The following PRIMPOL variants were observed in gnomAD, a reference collection of about 807,000 sequenced individuals.
PRIMPOL encodes the protein primase and DNA directed polymerase, also known as DNA-directed primase/polymerase protein.
PRIMPOL carries 54 observed loss-of-function variants against 63.6 expected under a neutral mutation model. That is an observed-to-expected ratio of 0.85 (90% CI 0.68 to 1.07). The LOEUF (loss-of-function observed/expected upper bound fraction) is 1.07, where lower values mean the gene tolerates loss of function less well. Among genes scored for constraint, PRIMPOL ranks in the 50% least tolerant of loss-of-function variants. The pLI is 0.00. For synonymous variants in PRIMPOL, 197 were observed against 220.2 expected (o/e 0.89, Z 0.93); for missense variants, 610 against 648.3 (o/e 0.94, Z 0.64).
At chr4:184,659,142 T>A (rs1747528197) in intron 3 of PRIMPOL, among the ~76,000 whole-genome samples, 198 bp from the exon 4 acceptor site, 1 of 152,250 alleles carries the variant, frequency 6.6e-6, no homozygotes, top group Non-Finnish European at 1.5e-5. Context: ...TTTGTATGAA[T>A]GATTAAAAAA....
At position 184,694,251 on chromosome 4, in the gene PRIMPOL, C is replaced by G. The variant is rs530241220; in HGVS notation, c.1426-271C>G. 9 of 1,147,500 alleles carry G rather than the reference C, an allele frequency of 7.8e-6. No individual in the cohort carries two copies. In the East Asian group the frequency reaches 2.5e-4, roughly 32 times the overall value. 71.1% of individuals were successfully genotyped at this position (1,147,500 alleles called of 1,614,324 possible). ...TTAAAAAATTAAATCCACCCTTGCT[C>G]TTCCGTCGGGGAGTATTGAAAAGTA... is the stretch of plus-strand genomic sequence containing the variant. On this transcript the variant is annotated intron_variant, in intron 13 of 13. Transcript: ENST00000314970.
At chr4:184,665,811 T>C (rs774741727) in intron 5 of PRIMPOL, 106 bp from the exon 6 acceptor site, 26 of 701,580 alleles carry the variant, frequency 3.7e-5, no homozygotes, top group Non-Finnish European at 4.6e-5. Flanking sequence ...GATCAGAAAT[T>C]AATGACTTTT....
intron 9 of PRIMPOL, among the ~76,000 whole-genome samples, chr4:184,682,587 A>G (rs544333620): frequency 8.5e-5 from 13 of 152,066 alleles, no homozygotes; most frequent in Non-Finnish European, 1.9e-4. Context: ...GGCTCAAACG[A>G]TCTGTCTGCC....
chr4:184,652,051 C>G lies in PRIMPOL; in HGVS notation c.-109C>G, dbSNP rs1253167521. On this transcript the variant is annotated 5_prime_UTR_variant, in exon 2 of 14. It adds an upstream start codon to the 5' untranslated region. Transcript: ENST00000314970. ...TATCCCAGAGGTGACAGAACTTGAT[C>G]TGGGCCTGGAAGGGGAAGAATTCGG... 6.6e-6 allele frequency: 1 copy of G among 152,280 alleles called. No individual in the cohort carries two copies. The highest frequency in any genetic ancestry group is 1.5e-5 in the Non-Finnish European group (1 of 68,114). The allele number at this position is 152,280 out of a possible 1,614,324, so 9.4% of individuals were successfully genotyped here.
intron 6 of PRIMPOL, among the ~76,000 whole-genome samples, chr4:184,666,615 A>G (rs535987472): frequency 6.6e-6 from 1 of 152,308 alleles, no homozygotes; most frequent in East Asian, 1.9e-4. Context: ...CCATGTCCAG[A>G]TAGTGGTTTC....
chr4:184,662,287 A>C (rs907534615), intron 5 of PRIMPOL, among the ~76,000 whole-genome samples: 3 of 152,218 alleles, frequency 2.0e-5, no homozygotes, highest in Non-Finnish European at 4.4e-5. Flanking sequence ...AAGAACACTG[A>C]CTACAAATAG....
At chr4:184,674,359 C>T (rs1752725638) in intron 7 of PRIMPOL, among the ~76,000 whole-genome samples, 1 of 152,064 alleles carries the variant, frequency 6.6e-6, no homozygotes, top group Admixed American at 6.6e-5. Flanking sequence ...GAATGAACAC[C>T]CCTTGTCACC....
At chr4:184,676,087 C>T (rs991510844) in intron 7 of PRIMPOL, among the ~76,000 whole-genome samples, 7 of 152,036 alleles carry the variant, frequency 4.6e-5, no homozygotes, top group Non-Finnish European at 1.0e-4. Context: ...CTTCTAAAAA[C>T]TTATTGTTCT....
intron 11 of PRIMPOL, among the ~76,000 whole-genome samples, chr4:184,689,445 GCTTTTTT>G (rs1757875559): frequency 8.7e-6 from 1 of 114,620 alleles, no homozygotes; most frequent in South Asian, 2.8e-4. Flanking sequence ...TGTTAATGGT[GCTTTTTT>G]TTTTTTTTTT....
chr4:184,676,017 T>A (rs1753221674), intron 7 of PRIMPOL, among the ~76,000 whole-genome samples: 1 of 152,200 alleles, frequency 6.6e-6, no homozygotes, highest in Non-Finnish European at 1.5e-5. Flanking sequence ...CAGTGTTTCT[T>A]GCATCTTGTT....
chr4:184,681,730 A>G (rs2150136937), intron 8 of PRIMPOL, among the ~76,000 whole-genome samples: 1 of 152,156 alleles, frequency 6.6e-6, no homozygotes, highest in East Asian at 1.9e-4. Flanking sequence ...GTTTGCCACC[A>G]TGCCCAGCTA....
chr4:184,658,252 A>G (rs761149614), intron 3 of PRIMPOL, among the ~76,000 whole-genome samples: 11 of 152,132 alleles, frequency 7.2e-5, no homozygotes, highest in Admixed American at 3.9e-4. Context: ...CTCAAATCTC[A>G]TGAGAATGGT....
intron 2 of PRIMPOL, 24 bp downstream of exon 2, chr4:184,652,124 C>G (rs770889988): frequency 6.6e-6 from 1 of 151,986 alleles, no homozygotes; most frequent in South Asian, 2.1e-4. Flanking sequence ...GTGCTGGGTG[C>G]GGGGGGAGGT....
rs1409896415 is a variant in PRIMPOL, at chr4:184,658,937, A to AT, written c.181-396dup. Among the ~76,000 whole-genome samples the AT allele has an allele frequency of 1.2e-3, 178 of 151,374 alleles. 1 individual carries two copies. The highest frequency in any genetic ancestry group is 4.1e-3 in the African/African-American group (171 of 41,332). On this transcript the variant is annotated intron_variant, in intron 3 of 13. Coordinates refer to ENST00000314970, the MANE Select transcript of PRIMPOL (RefSeq NM_152683.4). ...AAAAAAAAAAAAGGCTCCTACATAC[A>AT]TTTTTTTATGTACTGGGGAATTTAC... is the stretch of plus-strand genomic sequence containing the variant.
chr4:184,661,070 C>T (rs1002406293), intron 4 of PRIMPOL, among the ~76,000 whole-genome samples: 1 of 152,020 alleles, frequency 6.6e-6, no homozygotes, highest in African/African-American at 2.4e-5. Context: ...TAAAAATTCT[C>T]ATGGAAAATT....
chr4:184,685,793 G>A (rs1312015087), intron 11 of PRIMPOL, 109 bp downstream of exon 11: 3 of 567,104 alleles, frequency 5.3e-6, no homozygotes, highest in Non-Finnish European at 8.5e-6. Flanking sequence ...AATAAATTTA[G>A]TTGTATTAAA....
chr4:184,656,693 A>T (rs1404843704), intron 2 of PRIMPOL, among the ~76,000 whole-genome samples: 1 of 152,256 alleles, frequency 6.6e-6, no homozygotes, highest in Non-Finnish European at 1.5e-5. Context: ...CACGTGATAC[A>T]ATAAAATGGT....
Position 184,694,547 on chromosome 4 carries a change from CAGATGA to C in PRIMPOL, c.1453_1458del (p.Asp485_Glu486del), listed in dbSNP as rs746733463. ...GAAGAAGAGTTTACAACAGATGAAG[CAGATGA>C]AACTAGGAGCAATGAAACCCAGAAT... is the stretch of plus-strand genomic sequence containing the variant. On this transcript the variant is annotated inframe_deletion, in exon 14 of 14. Transcript: ENST00000314970. 6.3e-7 allele frequency: 1 copy of C among 1,598,324 alleles called. No individual in the cohort carries two copies. The highest frequency in any genetic ancestry group is 1.6e-5 in the African/African-American group (1 of 60,650).
intron 1 of PRIMPOL, among the ~76,000 whole-genome samples, chr4:184,650,343 G>C (rs763377395): frequency 5.9e-5 from 9 of 152,246 alleles, no homozygotes; most frequent in Non-Finnish European, 8.8e-5. Flanking sequence ...GGTTTGGGCC[G>C]AGAGGTCCTT....
Sources: gnomAD v4.1 joint callset for allele counts (sites outside exome capture counted in the v4.1 genomes callset) on GRCh38, gnomAD v4.1.1 for gene constraint, MANE v1.5 for transcripts, NCBI Gene and HGNC (gene_info 2026-07-23, HGNC 2026-07-21) for gene names.